The following MYO5B variants were observed in gnomAD, a reference collection of about 807,000 sequenced individuals.
The protein encoded by MYO5B is unconventional myosin-Vb.
MYO5B carries 143 observed loss-of-function variants against 229.3 expected under a neutral mutation model. That is an observed-to-expected ratio of 0.62 (90% CI 0.54 to 0.72). The LOEUF (loss-of-function observed/expected upper bound fraction) is 0.72. Among genes scored for constraint, MYO5B ranks in the 30% least tolerant of loss-of-function variants. The pLI, the probability that MYO5B is intolerant of heterozygous loss-of-function variation, is 0.00. For synonymous variants in MYO5B, 918 were observed against 885.2 expected (o/e 1.04, Z -0.66); for missense variants, 2,321 against 2,331.0 (o/e 1.00, Z 0.09).
At chr18:49,870,111 A>C (rs544093689) in intron 27 of MYO5B, among the ~76,000 whole-genome samples, 1 of 152,344 alleles carries the variant, frequency 6.6e-6, no homozygotes, top group East Asian at 1.9e-4. Context: ...AATCTTTAGA[A>C]TATCACATGA....
intron 26 of MYO5B, among the ~76,000 whole-genome samples, chr18:49,874,716 C>T (rs573096210): frequency 6.6e-6 from 1 of 152,292 alleles, no homozygotes; most frequent in East Asian, 1.9e-4. Flanking sequence ...ATTAATAATT[C>T]AGGCCTGAGA....
At chr18:50,000,831 G>T (rs1402093122) in intron 5 of MYO5B, among the ~76,000 whole-genome samples, 1 of 152,126 alleles carries the variant, frequency 6.6e-6, no homozygotes, top group Non-Finnish European at 1.5e-5. Flanking sequence ...AAATACTGTG[G>T]GTTAAAAAAT....
At chr18:50,122,341 C>T (rs2144532608) in intron 1 of MYO5B, among the ~76,000 whole-genome samples, 1 of 150,228 alleles carries the variant, frequency 6.7e-6, no homozygotes, top group East Asian at 2.0e-4. Context: ...GTGGCTCATG[C>T]CTGTAATCCC....
At chr18:49,902,450 C>G (rs1282233214) in intron 21 of MYO5B, 144 bp downstream of exon 21, 7 of 1,123,160 alleles carry the variant, frequency 6.2e-6, no homozygotes, top group Non-Finnish European at 7.9e-6. Context: ...CTGCCTGCCA[C>G]AGTTAGTATC....
At position 50,194,962 on chromosome 18, in the gene MYO5B, C is replaced by T. The variant is rs2033282848; in HGVS notation, c.-169G>A. The T allele has an allele frequency of 9.8e-7, 1 of 1,016,290 alleles. No homozygotes were observed. The highest frequency in any genetic ancestry group is 1.2e-6 in the Non-Finnish European group (1 of 800,028). The allele number at this position is 1,016,290 out of a possible 1,614,324, so 63.0% of individuals were successfully genotyped here. A position where few individuals can be genotyped will look rare whatever the true frequency, so the allele number is the denominator to read the frequency against. ...TCCCGCAGGCGCCGCGGCCGGCTCG[C>T]TCCCGGCGGCGCGACCTTTACTCCC... On this transcript the variant is annotated 5_prime_UTR_variant, in exon 1 of 40. Coordinates refer to ENST00000285039, the MANE Select transcript of MYO5B (RefSeq NM_001080467.3).
intron 1 of MYO5B, among the ~76,000 whole-genome samples, chr18:50,156,616 G>A (rs540504528): frequency 2.1e-4 from 32 of 152,116 alleles, no homozygotes; most frequent in Non-Finnish European, 3.5e-4. Flanking sequence ...ACCCAGTCTC[G>A]GGAATGTCTT....
At chr18:49,847,371 G>A (rs901429382) in intron 32 of MYO5B, 82 bp from the exon 33 acceptor site, 33 of 1,533,822 alleles carry the variant, frequency 2.2e-5, no homozygotes, top group African/African-American at 6.8e-5. Context: ...GGCGGGTGGA[G>A]GATGGGACCT....
chr18:50,048,028 T>A (rs1185097396), intron 2 of MYO5B, among the ~76,000 whole-genome samples: 2 of 151,490 alleles, frequency 1.3e-5, no homozygotes, highest in African/African-American at 2.4e-5. Context: ...ACATGGCACA[T>A]GTATACATAT....
Position 49,877,798 on chromosome 18 carries a change from T to C in MYO5B, c.3361A>G (p.Ile1121Val). 6.2e-7 allele frequency: 1 copy of C among 1,614,136 alleles called. No homozygotes were observed. The highest frequency in any genetic ancestry group is 2.2e-5 in the East Asian group (1 of 44,884). ...SNYPSISTSE[I>V]GDTEDALQQV... ...TGGAGGGCATCCTCAGTGTCTCCGATCTCAGATGTGGAGATGGAGGGGTAA... is the reference window on the plus strand; with the variant it reads ...TGGAGGGCATCCTCAGTGTCTCCGACCTCAGATGTGGAGATGGAGGGGTAA... The change falls in exon 25 of 40, where the codon ATC (isoleucine) becomes GTC (valine). Residue 1121 changes from isoleucine (I) to valine (V), a missense_variant. Coordinates refer to ENST00000285039, the MANE Select transcript of MYO5B (RefSeq NM_001080467.3).
At chr18:50,031,927 A>G (rs1465422240) in intron 4 of MYO5B, among the ~76,000 whole-genome samples, 2 of 152,224 alleles carry the variant, frequency 1.3e-5, no homozygotes, top group African/African-American at 2.4e-5. Context: ...GCGTGTCAAC[A>G]TAAGGGCTCT....
At chr18:50,130,196 G>A (rs1456690238) in intron 1 of MYO5B, among the ~76,000 whole-genome samples, 2 of 152,198 alleles carry the variant, frequency 1.3e-5, no homozygotes, top group Non-Finnish European at 2.9e-5. Context: ...GGTTAATACT[G>A]GGGGTACAAT....
intron 10 of MYO5B, 140 bp downstream of exon 10, chr18:49,974,210 A>G: frequency 1.0e-5 from 13 of 1,246,378 alleles, no homozygotes; most frequent in Non-Finnish European, 1.4e-5. Context: ...CAACTAATCA[A>G]CTAAAAATGG....
chr18:49,949,665 GA>G (rs956637154), intron 14 of MYO5B, among the ~76,000 whole-genome samples: 7 of 149,486 alleles, frequency 4.7e-5, no homozygotes, highest in African/African-American at 9.8e-5. Flanking sequence ...TCACCCAACA[GA>G]AAAAAAAAGT....
intron 17 of MYO5B, among the ~76,000 whole-genome samples, chr18:49,921,637 C>T (rs2025076790): frequency 6.6e-6 from 1 of 152,134 alleles, no homozygotes; most frequent in African/African-American, 2.4e-5. Context: ...GAGGGAACAC[C>T]CGGCAGCTAC....
intron 12 of MYO5B, among the ~76,000 whole-genome samples, chr18:49,957,847 A>G (rs1246938976): frequency 6.6e-6 from 1 of 151,730 alleles, no homozygotes; most frequent in Non-Finnish European, 1.5e-5. Flanking sequence ...AAATCACTGT[A>G]CCATAAATAC....
intron 1 of MYO5B, among the ~76,000 whole-genome samples, chr18:50,062,209 G>A (rs1449191549): frequency 6.6e-6 from 1 of 152,146 alleles, no homozygotes; most frequent in Non-Finnish European, 1.5e-5. Context: ...GATACGCCAA[G>A]TTAAGCCACA....
chr18:50,022,880 G>A (rs1011781714), intron 4 of MYO5B, among the ~76,000 whole-genome samples: 9 of 152,062 alleles, frequency 5.9e-5, no homozygotes, highest in Non-Finnish European at 2.9e-5. Flanking sequence ...GGGAATCCCC[G>A]GACCAGACTA....
intron 1 of MYO5B, among the ~76,000 whole-genome samples, chr18:50,172,285 AGAC>A (rs369298196): frequency 4.4e-5 from 6 of 137,770 alleles, no homozygotes; most frequent in African/African-American, 1.4e-4. Flanking sequence ...TGACAAAAAA[AGAC>A]AAAAAAAAAA....
At chr18:49,958,713 T>C (rs949817393) in intron 12 of MYO5B, among the ~76,000 whole-genome samples, 6 of 152,156 alleles carry the variant, frequency 3.9e-5, no homozygotes, top group African/African-American at 1.4e-4. Context: ...CCTCCTGCTC[T>C]CCTCAAATTA....
Sources: allele counts gnomAD v4.1 joint callset (sites outside exome capture counted in the v4.1 genomes callset), GRCh38; gene constraint gnomAD v4.1.1; transcripts MANE v1.5; gene names NCBI Gene and HGNC (gene_info 2026-07-23, HGNC 2026-07-21).